MGAT5: variants seen among roughly 807,000 people sequenced by gnomAD.
MGAT5 encodes the protein alpha-1,6-mannosylglycoprotein 6-beta-N-acetylglucosaminyltransferase.
A neutral mutation model predicts 94.3 loss-of-function variants in MGAT5; 30 were observed. The ratio of observed to expected loss-of-function variants is 0.32; its 90% CI spans 0.24 to 0.43. The LOEUF is 0.43. Among genes scored for constraint, MGAT5 ranks in the 20% least tolerant of loss-of-function variants. MGAT5 has a pLI of 1.00. For missense variants in MGAT5, 691 were observed against 905.5 expected (o/e 0.76, Z 3.04); for synonymous variants, 310 against 322.9 (o/e 0.96, Z 0.43).
chr2:134,164,850 AAC>A, intron 1 of MGAT5, among the ~76,000 whole-genome samples: 1 of 149,720 alleles, frequency 6.7e-6, no homozygotes, highest in East Asian at 2.0e-4. Flanking sequence ...AAAAAAAAAA[AAC>A]CAAACCAAAC....
intron 9 of MGAT5, among the ~76,000 whole-genome samples, chr2:134,361,097 C>T (rs1216638404): frequency 1.3e-5 from 2 of 152,206 alleles, no homozygotes; most frequent in Non-Finnish European, 2.9e-5. Context: ...TGGCCTTTGC[C>T]CATCTGTCTG....
intron 2 of MGAT5, among the ~76,000 whole-genome samples, chr2:134,295,002 T>G (rs1243612869): frequency 3.3e-5 from 5 of 152,192 alleles, no homozygotes; most frequent in Non-Finnish European, 7.3e-5. Flanking sequence ...CTGCCTCCTT[T>G]GTTCGGTGTA....
At chr2:134,153,754 G>A (rs917515055) in intron 1 of MGAT5, among the ~76,000 whole-genome samples, 3 of 152,122 alleles carry the variant, frequency 2.0e-5, no homozygotes, top group African/African-American at 7.2e-5. Flanking sequence ...GGCCACTCGA[G>A]GACGATTTCC....
intron 9 of MGAT5, among the ~76,000 whole-genome samples, chr2:134,352,309 C>T (rs553133201): frequency 1.3e-5 from 2 of 152,260 alleles, no homozygotes; most frequent in African/African-American, 4.8e-5. Context: ...CCCAAGTAAT[C>T]ATCATAGGGG....
intron 3 of MGAT5, among the ~76,000 whole-genome samples, chr2:134,318,194 A>G (rs920042664): frequency 6.6e-5 from 10 of 152,160 alleles, no homozygotes; most frequent in Admixed American, 5.2e-4. Context: ...GACCAACCCC[A>G]GAAGCATTTG....
chr2:134,120,323 G>A (rs1377946598), intron 1 of MGAT5: 1 of 390,382 alleles, frequency 2.6e-6, no homozygotes, highest in African/African-American at 2.1e-5. Flanking sequence ...TGATCGCGTC[G>A]GAGGGAGCTC....
At chr2:134,264,440 C>A (rs1288914265) in intron 1 of MGAT5, among the ~76,000 whole-genome samples, 1 of 152,202 alleles carries the variant, frequency 6.6e-6, no homozygotes, top group Admixed American at 6.5e-5. Context: ...GACAAGCAGA[C>A]TTGGTCTCTG....
intron 10 of MGAT5, among the ~76,000 whole-genome samples, chr2:134,375,410 G>T (rs888775517): frequency 2.6e-5 from 4 of 152,184 alleles, no homozygotes; most frequent in Non-Finnish European, 5.9e-5. Flanking sequence ...TCAAGGAAAG[G>T]TTCTGTACGG....
At chr2:134,318,505 C>T (rs941808987) in intron 3 of MGAT5, 145 bp from the exon 4 acceptor site, 9 of 651,232 alleles carry the variant, frequency 1.4e-5, no homozygotes, top group Non-Finnish European at 2.5e-5. Context: ...CTATCTTGAC[C>T]TCGGCTCAGT....
At chr2:134,439,142 TTGCCTTTCTCAGCAGGCAA>T (rs950033450) in intron 14 of MGAT5, among the ~76,000 whole-genome samples, 12 of 152,166 alleles carry the variant, frequency 7.9e-5, no homozygotes, top group African/African-American at 2.7e-4. Flanking sequence ...TAACCTATAG[TTGCCTTTCTCAGCAGGCAA>T]TGCCTTTCTC....
intron 1 of MGAT5, among the ~76,000 whole-genome samples, chr2:134,168,880 G>A (rs1213056714): frequency 6.6e-6 from 1 of 152,152 alleles, no homozygotes; most frequent in Middle Eastern, 3.2e-3. Context: ...GAGAGACGTC[G>A]TCCATAGGGA....
intron 1 of MGAT5, among the ~76,000 whole-genome samples, chr2:134,264,712 C>T (rs1292703229): frequency 6.6e-6 from 1 of 152,152 alleles, no homozygotes; most frequent in African/African-American, 2.4e-5. Context: ...CTTGACATTC[C>T]TGACAGTCAA....
intron 10 of MGAT5, among the ~76,000 whole-genome samples, chr2:134,368,248 G>A (rs959041944): frequency 6.6e-6 from 1 of 152,198 alleles, no homozygotes; most frequent in Non-Finnish European, 1.5e-5. Flanking sequence ...GCAAATACTG[G>A]CATCACAGGT....
intron 4 of MGAT5, among the ~76,000 whole-genome samples, chr2:134,322,982 C>T (rs1687421864): frequency 6.6e-6 from 1 of 152,128 alleles, no homozygotes; most frequent in Non-Finnish European, 1.5e-5. Flanking sequence ...TAAAATGTCT[C>T]TTGTATAGTC....
At chr2:134,319,399 A>G (rs532838081) in intron 4 of MGAT5, among the ~76,000 whole-genome samples, 19 of 152,296 alleles carry the variant, frequency 1.2e-4, no homozygotes, top group Admixed American at 2.0e-4. Context: ...AGGTATAAAG[A>G]GAGTCAATAT....
At chr2:134,155,376 G>T (rs1298334403) in intron 1 of MGAT5, among the ~76,000 whole-genome samples, 1 of 152,252 alleles carries the variant, frequency 6.6e-6, no homozygotes, top group Non-Finnish European at 1.5e-5. Context: ...GAGTGACGAA[G>T]TGGTTGAGAG....
At chr2:134,137,660 T>C in intron 1 of MGAT5, among the ~76,000 whole-genome samples, 1 of 152,178 alleles carries the variant, frequency 6.6e-6, no homozygotes, top group East Asian at 1.9e-4. Context: ...GATAACCATA[T>C]GAAAAGATAA....
In MGAT5 at chr2:134,397,244, G is replaced by A. The variant is rs576560411; in HGVS notation, c.1381-5744G>A. Among the ~76,000 whole-genome samples the A allele has an allele frequency of 1.3e-3, 194 of 152,296 alleles. 1 individual carries two copies. The highest frequency in any genetic ancestry group is 4.5e-3 in the African/African-American group (187 of 41,554). ...ATGAGAGCCTACAGACAATGTCTTA[G>A]CCCACAGCCTCTAGGAAGCAGGGCC... On this transcript the variant is annotated intron_variant, in intron 10 of 15. Coordinates refer to ENST00000281923, the MANE Select transcript of MGAT5 (RefSeq NM_002410.5).
At chr2:134,214,823 C>A (rs1290626666) in intron 1 of MGAT5, among the ~76,000 whole-genome samples, 2 of 152,112 alleles carry the variant, frequency 1.3e-5, no homozygotes, top group Non-Finnish European at 2.9e-5. Flanking sequence ...TTAGTTTTAA[C>A]TTTCTGATAT....
Sources: gnomAD v4.1 joint callset for allele counts (sites outside exome capture counted in the v4.1 genomes callset) on GRCh38, gnomAD v4.1.1 for gene constraint, MANE v1.5 for transcripts, NCBI Gene and HGNC (gene_info 2026-07-23, HGNC 2026-07-21) for gene names.